CBFA2T2: variants seen among roughly 807,000 people sequenced by gnomAD.
CBFA2T2 encodes CBFA2/RUNX1 partner transcriptional co-repressor 2.
CBFA2T2 carries 11 observed loss-of-function variants against 62.2 expected under a neutral mutation model. The ratio of observed to expected loss-of-function variants is 0.18; its 90% CI spans 0.11 to 0.29. The LOEUF is 0.29. CBFA2T2 is among the 10% of genes least tolerant of loss of function. The pLI is 1.00. For synonymous variants in CBFA2T2, 295 were observed against 287.5 expected, an observed-to-expected ratio of 1.03 and a Z score of -0.27; for missense variants, 592 against 774.1, an observed-to-expected ratio of 0.76 and a Z score of 2.79.
At chr20:33,576,295 T>C (rs2013823531) in intron 1 of CBFA2T2, among the ~76,000 whole-genome samples, 1 of 152,160 alleles carries the variant, frequency 6.6e-6, no homozygotes. Flanking sequence ...AGCAGAGGTC[T>C]CATCTTAATA....
At chr20:33,493,477 C>G (rs1300773622) in intron 1 of CBFA2T2, among the ~76,000 whole-genome samples, 1 of 152,174 alleles carries the variant, frequency 6.6e-6, no homozygotes, top group Non-Finnish European at 1.5e-5. Context: ...GGGAAGTAGT[C>G]TAGAACTGTG....
At chr20:33,634,182 C>T (rs1028895072) in intron 8 of CBFA2T2, among the ~76,000 whole-genome samples, 36 of 152,008 alleles carry the variant, frequency 2.4e-4, no homozygotes, top group Admixed American at 1.8e-3. Context: ...TTAGTCAGGT[C>T]GGTCTCGAAC....
intron 10 of CBFA2T2, among the ~76,000 whole-genome samples, chr20:33,642,646 G>A (rs2122399124): frequency 6.6e-6 from 1 of 152,116 alleles, no homozygotes; most frequent in Middle Eastern, 3.4e-3. Context: ...ACGATGGCAA[G>A]ATGAGGGGGA....
chr20:33,532,550 G>A (rs1600937234), intron 1 of CBFA2T2, among the ~76,000 whole-genome samples: 1 of 152,194 alleles, frequency 6.6e-6, no homozygotes, highest in Non-Finnish European at 1.5e-5. Flanking sequence ...GTCAATTTCA[G>A]TTATTTTCTG....
intron 9 of CBFA2T2, among the ~76,000 whole-genome samples, chr20:33,637,761 C>G (rs1397435490): frequency 6.6e-6 from 1 of 150,814 alleles, no homozygotes; most frequent in Non-Finnish European, 1.5e-5. Flanking sequence ...TCCGCCTCCC[C>G]GGTTCAAGCT....
rs955215713 is a variant in CBFA2T2 at position 33,646,350 on chromosome 20, C to T, written c.*1704C>T. 6.6e-6 allele frequency: 1 copy of T among 152,266 alleles called. No individual in the cohort carries two copies. The highest frequency in any genetic ancestry group is 1.5e-5 in the Non-Finnish European group (1 of 68,142). 9.4% of individuals were successfully genotyped at this position (152,266 alleles called of 1,614,324 possible). A position where few individuals can be genotyped will look rare whatever the true frequency, so the allele number is the denominator to read the frequency against. On this transcript the variant is annotated 3_prime_UTR_variant, in exon 11 of 11. Coordinates refer to ENST00000342704, the MANE Select transcript of CBFA2T2 (RefSeq NM_001032999.3). ...TGAGGACCCCGACCCCTCCTGCTCT[C>T]CATCTTTGAGCCTCTGGCATCCTCT...
intron 1 of CBFA2T2, among the ~76,000 whole-genome samples, chr20:33,605,982 C>T (rs1740535395): frequency 6.6e-6 from 1 of 152,028 alleles, no homozygotes; most frequent in African/African-American, 2.4e-5. Flanking sequence ...CCACACCCAG[C>T]TAATTTTTAT....
At chr20:33,535,035 G>A (rs952585566) in intron 1 of CBFA2T2, among the ~76,000 whole-genome samples, 2 of 152,154 alleles carry the variant, frequency 1.3e-5, no homozygotes, top group African/African-American at 4.8e-5. Context: ...CCTTCCATTT[G>A]TTAAAAAATG....
At chr20:33,504,846 G>A (rs2011373704) in intron 1 of CBFA2T2, among the ~76,000 whole-genome samples, 2 of 151,936 alleles carry the variant, frequency 1.3e-5, no homozygotes, top group South Asian at 2.1e-4. Context: ...AATTGTTAAG[G>A]AAGCACTATA....
In CBFA2T2 at chr20:33,640,509, A is replaced by G. The variant is rs75180889; in HGVS notation, c.1466A>G (p.Asn489Ser). ...GCAGAGGATGCTTTCCTCGTCATCA[A>G]TGAGCAAGAGGAGTCCACGGAGGTC... ...QAAEDAFLVI[N>S]EQEESTENCW... Residue 489 changes from asparagine (N) to serine (S), a missense_variant, in exon 10 of 11, where the codon AAT becomes AGT. Coordinates refer to ENST00000342704, the MANE Select transcript of CBFA2T2 (RefSeq NM_001032999.3). The G allele has an allele frequency of 3.8e-3, 6,210 of 1,614,206 alleles. 17 individuals are homozygous for G. The highest frequency in any genetic ancestry group is 4.5e-3 in the Non-Finnish European group (5,335 of 1,180,044).
chr20:33,547,411 TATA>T (rs2012606430), intron 1 of CBFA2T2, among the ~76,000 whole-genome samples: 1 of 151,656 alleles, frequency 6.6e-6, no homozygotes, highest in African/African-American at 2.4e-5. Flanking sequence ...AAAATAAAAA[TATA>T]ATAAAATGGC....
At position 33,516,758 on chromosome 20, in the gene CBFA2T2, TACTC is replaced by T. The variant is rs558414448; in HGVS notation, c.34+26460_34+26463del. On this transcript the variant is annotated intron_variant, in intron 1 of 10. Transcript: ENST00000342704. ...GGTATACCTTTATACACATCTGTAATACTCACGCAGTGTTTTTTCTAAATGGAAT... is the reference window on the plus strand; with the variant it reads ...GGTATACCTTTATACACATCTGTAATACGCAGTGTTTTTTCTAAATGGAAT... Among the ~76,000 whole-genome samples, 113 of 152,380 alleles carry T rather than the reference TACTC, an allele frequency of 7.4e-4. No individual in the cohort carries two copies. In the Middle Eastern group the frequency reaches 0.02, roughly 28 times the overall value.
At position 33,647,266 on chromosome 20, in the gene CBFA2T2, G is replaced by GT. The variant is rs1305248365; in HGVS notation, c.*2626dup. ...TTTGTTGGATTAACACCTTAAGCAG[G>GT]TTTTTTATTGTTATTTTGTTTGTTT... On this transcript the variant is annotated 3_prime_UTR_variant, in exon 11 of 11. Coordinates refer to ENST00000342704, the MANE Select transcript of CBFA2T2 (RefSeq NM_001032999.3). The GT allele has an allele frequency of 6.6e-6, 1 of 152,168 alleles. No homozygotes were observed. The highest frequency in any genetic ancestry group is 1.9e-4 in the East Asian group (1 of 5,210). The allele number at this position is 152,168 out of a possible 1,614,324, so 9.4% of individuals were successfully genotyped here. A position where few individuals can be genotyped will look rare whatever the true frequency, so the allele number is the denominator to read the frequency against.
At chr20:33,540,495 C>A (rs1488785463) in intron 1 of CBFA2T2, among the ~76,000 whole-genome samples, 1 of 152,128 alleles carries the variant, frequency 6.6e-6, no homozygotes, top group African/African-American at 2.4e-5. Context: ...TCTTATGGTA[C>A]CACCTTTATT....
chr20:33,576,574 C>T (rs1002395533), intron 1 of CBFA2T2, among the ~76,000 whole-genome samples: 2 of 152,174 alleles, frequency 1.3e-5, no homozygotes, highest in Non-Finnish European at 2.9e-5. Flanking sequence ...ATTTCATTTC[C>T]CAGATAAGAA....
chr20:33,635,340 G>T (rs1217932515), intron 8 of CBFA2T2, among the ~76,000 whole-genome samples: 1 of 152,134 alleles, frequency 6.6e-6, no homozygotes. Context: ...ATATGTGAAA[G>T]TAAACCAGAA....
At chr20:33,520,932 C>T (rs1478695284) in intron 1 of CBFA2T2, among the ~76,000 whole-genome samples, 1 of 149,364 alleles carries the variant, frequency 6.7e-6, no homozygotes, top group Non-Finnish European at 1.5e-5. Flanking sequence ...ACATTTTCAC[C>T]TGCCATCACA....
intron 1 of CBFA2T2, among the ~76,000 whole-genome samples, chr20:33,504,591 A>G (rs2011368945): frequency 6.6e-6 from 1 of 151,672 alleles, no homozygotes; most frequent in African/African-American, 2.4e-5. Context: ...TTTAGTAGAG[A>G]TGGGGTTTCA....
At chr20:33,509,269 A>T (rs1420888392) in intron 1 of CBFA2T2, among the ~76,000 whole-genome samples, 1 of 151,910 alleles carries the variant, frequency 6.6e-6, no homozygotes, top group Non-Finnish European at 1.5e-5. Flanking sequence ...TGGGAGGCTG[A>T]GGTAGGAGAA....
Sources: gnomAD v4.1 joint callset for allele counts (sites outside exome capture counted in the v4.1 genomes callset) on GRCh38, gnomAD v4.1.1 for gene constraint, MANE v1.5 for transcripts, NCBI Gene and HGNC (gene_info 2026-07-23, HGNC 2026-07-21) for gene names.